Variants in AVEN observed in about 807,000 individuals in gnomAD.
AVEN encodes the protein cell death regulator Aven.
Under a neutral mutation model 38.1 loss-of-function variants are expected in AVEN, and 41 were observed. The ratio of observed to expected loss-of-function variants is 1.08; its 90% confidence interval spans 0.84 to 1.40. The LOEUF (loss-of-function observed/expected upper bound fraction) is 1.40, where lower values mean the gene tolerates loss of function less well. Ranked by LOEUF, AVEN falls within the 40% of genes most tolerant of loss-of-function variation. AVEN has a pLI of 0.00. For synonymous variants in AVEN, 206 were observed against 171.8 expected, an observed-to-expected ratio of 1.20 and a Z score of -1.56; for missense variants, 605 against 438.8, an observed-to-expected ratio of 1.38 and a Z score of -3.38.
intron 2 of AVEN, among the ~76,000 whole-genome samples, chr15:33,959,661 G>A (rs1452806507): frequency 1.3e-5 from 2 of 152,184 alleles, no homozygotes; most frequent in Non-Finnish European, 2.9e-5. Flanking sequence ...CAGACACCAG[G>A]TGAACTGGAA....
Position 33,871,041 on chromosome 15 carries a change from A to G in AVEN, c.517-11T>C. ...ATAAAATGCTGAATTCTATATATATATATAAAAGAAAATAAAATATCAGGT... is the reference window on the plus strand; with the variant it reads ...ATAAAATGCTGAATTCTATATATATGTATAAAAGAAAATAAAATATCAGGT... On this transcript the variant is annotated splice_polypyrimidine_tract_variant and intron_variant, in intron 3 of 5. Coordinates refer to ENST00000306730, the MANE Select transcript of AVEN (RefSeq NM_020371.3). 1 of 1,391,586 alleles carries G rather than the reference A, an allele frequency of 7.2e-7. No homozygotes were observed. The highest frequency in any genetic ancestry group is 1.5e-5 in the African/African-American group (1 of 66,898). 86.2% of individuals were successfully genotyped at this position (1,391,586 alleles called of 1,614,324 possible). A position where few individuals can be genotyped will look rare whatever the true frequency, so the allele number is the denominator to read the frequency against.
intron 2 of AVEN, among the ~76,000 whole-genome samples, chr15:33,939,355 G>T (rs540586482): frequency 6.6e-6 from 1 of 152,350 alleles, no homozygotes; most frequent in South Asian, 2.1e-4. Flanking sequence ...TAGGAGACAG[G>T]AGCATAGGCT....
At chr15:33,861,176 C>T (rs758953190) in intron 11 of AVEN, 14 of 1,581,060 alleles carry the variant, frequency 8.9e-6, no homozygotes, top group African/African-American at 1.3e-5. Context: ...TAGCCAACTA[C>T]TTGTGAGTAT....
At chr15:33,905,830 A>G (rs200129054) in intron 2 of AVEN, among the ~76,000 whole-genome samples, 3 of 54,500 alleles carry the variant, frequency 5.5e-5, no homozygotes. Flanking sequence ...GGGAAAGAAA[A>G]AAAAAAAAAA....
intron 3 of AVEN, among the ~76,000 whole-genome samples, chr15:33,874,273 G>A (rs1597177021): frequency 6.6e-6 from 1 of 152,090 alleles, no homozygotes; most frequent in African/African-American, 2.4e-5. Context: ...CAATAGAGAA[G>A]GAAAAAGTTT....
At chr15:33,952,201 A>C (rs889368438) in intron 2 of AVEN, among the ~76,000 whole-genome samples, 1 of 152,240 alleles carries the variant, frequency 6.6e-6, no homozygotes. Context: ...TATTATCTTC[A>C]ATAGCAAGAT....
intron 2 of AVEN, among the ~76,000 whole-genome samples, chr15:33,994,936 C>T (rs558435527): frequency 6.6e-6 from 1 of 152,160 alleles, no homozygotes; most frequent in East Asian, 1.9e-4. Context: ...ATTTAACCAA[C>T]CATAGATCAA....
At chr15:34,006,685 A>G (rs1897359235) in intron 1 of AVEN, among the ~76,000 whole-genome samples, 1 of 152,228 alleles carries the variant, frequency 6.6e-6, no homozygotes, top group Non-Finnish European at 1.5e-5. Flanking sequence ...ATAACTCACC[A>G]GTCCCCAAAT....
At chr15:33,855,018 A>G, downstream of AVEN, 1 of 1,177,592 alleles carries the variant, frequency 8.5e-7, no homozygotes, top group Non-Finnish European at 1.1e-6. Context: ...GTCTTGGTAT[A>G]TAATGTACTT....
intron 2 of AVEN, among the ~76,000 whole-genome samples, chr15:33,901,191 C>T (rs12916482): frequency 0.51 from 77,751 of 151,860 alleles, 21,636 homozygotes; most frequent in Middle Eastern, 0.65. Context: ...GGTGTGAACC[C>T]GGGAGGCGGA....
intron 2 of AVEN, among the ~76,000 whole-genome samples, chr15:33,986,492 CATTA>C (rs1896476231): frequency 6.6e-6 from 1 of 152,188 alleles, no homozygotes; most frequent in Non-Finnish European, 1.5e-5. Context: ...TATAAAACCA[CATTA>C]ATTATCTACT....
chr15:33,860,385 C>T (rs565914857), intron 11 of AVEN, among the ~76,000 whole-genome samples: 1 of 152,266 alleles, frequency 6.6e-6, no homozygotes, highest in African/African-American at 2.4e-5. Flanking sequence ...TAGTTAACAG[C>T]ACTGCATGGT....
rs1238295978 is a variant in AVEN at position 33,866,367 on chromosome 15, C to T, written c.*246G>A. 4 of 532,662 alleles carry T rather than the reference C, an allele frequency of 7.5e-6. No homozygotes were observed. The highest frequency in any genetic ancestry group is 1.3e-5 in the Non-Finnish European group (4 of 301,332). The allele number at this position is 532,662 out of a possible 1,614,324, so 33.0% of individuals were successfully genotyped here. ...AAGGAAGGAGGCTAGAAACAAGGGCCAGAGTCTATCTCCTGCCCTTAAGGA... is the reference window on the plus strand; with the variant it reads ...AAGGAAGGAGGCTAGAAACAAGGGCTAGAGTCTATCTCCTGCCCTTAAGGA... On this transcript the variant is annotated 3_prime_UTR_variant, in exon 6 of 6. Transcript: ENST00000306730.
At chr15:34,042,736 A>G (rs190438005), upstream of AVEN, among the ~76,000 whole-genome samples, 2 of 152,220 alleles carry the variant, frequency 1.3e-5, no homozygotes, top group African/African-American at 4.8e-5. Flanking sequence ...ATGGTAGCCA[A>G]TTCCTTAAGG....
chr15:33,902,479 T>C lies in AVEN; in HGVS notation c.446-26484A>G, dbSNP rs144458810. Among the ~76,000 whole-genome samples the C allele has an allele frequency of 1.8e-4, 27 of 152,258 alleles. 1 individual carries two copies. In the East Asian group the frequency reaches 5.0e-3, roughly 28 times the overall value. ...CATGAAAAACATACAACTAACATCA[T>C]AATCAACAGGAAACAAATGAAAACT... On this transcript the variant is annotated intron_variant, in intron 2 of 5. Transcript: ENST00000306730.
At chr15:33,859,854 A>G in intron 11 of AVEN, 1 of 1,107,766 alleles carries the variant, frequency 9.0e-7, no homozygotes, top group Admixed American at 2.4e-5. Context: ...TAATTTAGCA[A>G]GAACTAATTT....
intron 2 of AVEN, among the ~76,000 whole-genome samples, chr15:33,932,707 C>T (rs189001557): frequency 1.3e-5 from 2 of 152,142 alleles, no homozygotes; most frequent in Non-Finnish European, 2.9e-5. Context: ...CGCCTGTAAT[C>T]CCAGCTACTC....
chr15:33,944,189 G>A (rs1190489409), intron 2 of AVEN, among the ~76,000 whole-genome samples: 4 of 152,206 alleles, frequency 2.6e-5, no homozygotes, highest in Middle Eastern at 3.4e-3. Flanking sequence ...ACTGAACAAC[G>A]CCTTTACTTC....
At chr15:33,865,092 T>G (rs1176738454), downstream of AVEN, 7 of 1,516,364 alleles carry the variant, frequency 4.6e-6, no homozygotes, top group African/African-American at 1.4e-5. Context: ...GCTTTTACTG[T>G]GGTTTAAAAA....
Sources: allele counts gnomAD v4.1 joint callset (sites outside exome capture counted in the v4.1 genomes callset), GRCh38; gene constraint gnomAD v4.1.1; transcripts MANE v1.5; gene names NCBI Gene and HGNC (gene_info 2026-07-23, HGNC 2026-07-21).